Variants in ZZEF1 observed in about 807,000 individuals in gnomAD.
The protein encoded by ZZEF1 is zinc finger ZZ-type and EF-hand domain-containing protein 1.
Under a neutral mutation model 342.8 loss-of-function variants are expected in ZZEF1, and 157 were observed. That is an observed-to-expected ratio of 0.46 (90% CI 0.40 to 0.52). The LOEUF is 0.52. Ranked by LOEUF, ZZEF1 falls within the 20% of genes least tolerant of loss-of-function variation. ZZEF1 has a pLI of 0.00. For synonymous variants in ZZEF1, 1,505 were observed against 1,429.1 expected, an observed-to-expected ratio of 1.05 and a Z score of -1.20; for missense variants, 3,480 against 3,725.6, an observed-to-expected ratio of 0.93 and a Z score of 1.72.
At chr17:4,104,545 A>C (rs1745803901) in intron 8 of ZZEF1, 88 bp downstream of exon 8, 19 of 1,416,620 alleles carry the variant, frequency 1.3e-5, no homozygotes, top group Non-Finnish European at 1.1e-5. Context: ...AAAGATGAGA[A>C]GATACCAGGA....
At chr17:4,141,463 CTT>C (rs544714080) in intron 1 of ZZEF1, among the ~76,000 whole-genome samples, 8 of 152,196 alleles carry the variant, frequency 5.3e-5, no homozygotes, top group African/African-American at 1.9e-4. Context: ...AAATAAGTAC[CTT>C]TTTGGTCATA....
At chr17:4,095,763 A>C (rs776438149) in intron 11 of ZZEF1, 68 bp downstream of exon 11, 1 of 1,508,776 alleles carries the variant, frequency 6.6e-7, no homozygotes, top group African/African-American at 1.4e-5. Flanking sequence ...GCATGAATAC[A>C]TTCTTATTAA....
rs759412803 is a variant in ZZEF1, at chr17:4,067,174, G to A, written c.4144C>T (p.Arg1382Ter). The A allele has an allele frequency of 1.9e-6, 3 of 1,612,298 alleles. No individual in the cohort carries two copies. The highest frequency in any genetic ancestry group is 1.7e-5 in the Admixed American group (1 of 59,700). The change falls in exon 27 of 55, where the codon CGA becomes TGA. Residue 1382 changes from arginine to a stop codon, truncating the protein, a stop_gained. Transcript: ENST00000381638. LOFTEE classifies it high-confidence loss of function. ...AQVYSLADGI[R>*]IWMLEMKQKS... ...AAAGAAAATCTTACCATCCATATTC[G>A]AATCCCATCTGCCAAGGAATAAACC...
intron 39 of ZZEF1, among the ~76,000 whole-genome samples, chr17:4,036,825 T>A (rs905569534): frequency 0.026 from 2,648 of 103,406 alleles, 38 homozygotes; most frequent in African/African-American, 0.12. Flanking sequence ...ACACTCTCTC[T>A]CTCTCTCTCT....
chr17:4,077,804 A>C (rs2057650955), intron 19 of ZZEF1, 79 bp downstream of exon 19: 2 of 1,484,802 alleles, frequency 1.3e-6, no homozygotes, highest in South Asian at 2.4e-5. Flanking sequence ...CACTCATTGC[A>C]TGAGTTACTA....
intron 40 of ZZEF1, chr17:4,033,737 C>T: frequency 4.3e-6 from 2 of 461,762 alleles, no homozygotes; most frequent in South Asian, 5.9e-5. Flanking sequence ...ACCTCAAGGC[C>T]CACACTTACC....
At chr17:4,109,549 G>T in intron 6 of ZZEF1, 104 bp downstream of exon 6, 1 of 1,270,442 alleles carries the variant, frequency 7.9e-7, no homozygotes, top group Non-Finnish European at 1.1e-6. Flanking sequence ...AGCTGACTGA[G>T]CCACAACGAT....
chr17:4,084,142 GATCC>G (rs2057776729), intron 16 of ZZEF1, among the ~76,000 whole-genome samples: 1 of 152,172 alleles, frequency 6.6e-6, no homozygotes. Context: ...TGCTTCTAGT[GATCC>G]ATCAAATACA....
intron 13 of ZZEF1, 68 bp from the exon 14 acceptor site, chr17:4,087,602 C>G (rs2057857251): frequency 7.5e-7 from 1 of 1,326,708 alleles, no homozygotes; most frequent in Non-Finnish European, 1.0e-6. Context: ...TGTAATGCCT[C>G]ATTTACTTCT....
chr17:4,130,136 C>T (rs1388834063), intron 1 of ZZEF1, among the ~76,000 whole-genome samples: 6 of 152,000 alleles, frequency 3.9e-5, no homozygotes, highest in Non-Finnish European at 7.4e-5. Flanking sequence ...TGCACATGTA[C>T]CCCAGAACCT....
At chr17:4,064,175 C>T (rs1294276723) in intron 29 of ZZEF1, among the ~76,000 whole-genome samples, 186 bp downstream of exon 29, 1 of 151,226 alleles carries the variant, frequency 6.6e-6, no homozygotes, top group African/African-American at 2.4e-5. Context: ...ATCACCGTGC[C>T]CACCCAAAAA....
rs185671975 is a variant in ZZEF1, at chr17:4,085,764, A to G, written c.2552T>C (p.Ile851Thr). 1 of 1,614,014 alleles carries G rather than the reference A, an allele frequency of 6.2e-7. No individual in the cohort carries two copies. Among genetic ancestry groups the G allele is most frequent in the Non-Finnish European group, 8.5e-7 (1 of 1,179,996 alleles). Residue 851 changes from isoleucine (I) to threonine (T), a missense_variant, in exon 16 of 55, where the codon ATA becomes ACA. Coordinates refer to ENST00000381638, the MANE Select transcript of ZZEF1 (RefSeq NM_015113.4). Reference sequence around the variant, plus strand: ...GGTATTCCTGACTTCTTGTTTTAGTATCTCCATGGGCACAGAGTCTCCATC... The same window carrying G: ...GGTATTCCTGACTTCTTGTTTTAGTGTCTCCATGGGCACAGAGTCTCCATC... Reference protein sequence around the residue: ...KVDGDSVPMEILKQEVRNTLL... With the variant: ...KVDGDSVPMETLKQEVRNTLL...
intron 6 of ZZEF1, among the ~76,000 whole-genome samples, chr17:4,109,087 C>A (rs2058255351): frequency 6.6e-6 from 1 of 152,120 alleles, no homozygotes; most frequent in African/African-American, 2.4e-5. Context: ...AAGTACTCTA[C>A]ATTTCAAAAG....
chr17:4,078,056 G>A lies in ZZEF1; in HGVS notation c.2830-14C>T, dbSNP rs781447090. 6.2e-7 allele frequency: 1 copy of A among 1,608,102 alleles called. No homozygotes were observed. Among genetic ancestry groups the A allele is most frequent in the South Asian group, 1.1e-5 (1 of 90,866 alleles). ...TAACAGCTCGCACTACAAGGGAGGA[G>A]ACAAACAGAAAGTGTTCGTGACAAG... On this transcript the variant is annotated splice_polypyrimidine_tract_variant and intron_variant, in intron 18 of 54. Transcript: ENST00000381638.
At chr17:4,133,989 G>A (rs1398118512) in intron 1 of ZZEF1, among the ~76,000 whole-genome samples, 1 of 152,118 alleles carries the variant, frequency 6.6e-6, no homozygotes, top group Non-Finnish European at 1.5e-5. Flanking sequence ...ATCGGCATAA[G>A]CCACTGTGCC....
intron 6 of ZZEF1, among the ~76,000 whole-genome samples, chr17:4,106,480 GAAA>G (rs71144161): frequency 6.9e-6 from 1 of 144,310 alleles, no homozygotes; most frequent in Non-Finnish European, 1.5e-5. Flanking sequence ...CAGCAACAGG[GAAA>G]AAAAAAAAAC....
chr17:4,125,348 A>T (rs927459167), intron 1 of ZZEF1, among the ~76,000 whole-genome samples: 3 of 152,176 alleles, frequency 2.0e-5, no homozygotes, highest in Non-Finnish European at 2.9e-5. Flanking sequence ...TCCTCCATGA[A>T]ATAGGAAAAC....
At chr17:4,055,723 C>T (rs1348768920) in intron 33 of ZZEF1, among the ~76,000 whole-genome samples, 1 of 152,220 alleles carries the variant, frequency 6.6e-6, no homozygotes, top group Non-Finnish European at 1.5e-5. Context: ...AGTTCTACGG[C>T]AGGGAGCCAC....
rs760071635 is a variant in ZZEF1, at chr17:4,077,938, C to A, written c.2934G>T (p.Gln978His). 9.9e-6 allele frequency: 16 copies of A among 1,614,068 alleles called. No individual in the cohort carries two copies. The highest frequency in any genetic ancestry group is 3.3e-5 in the Admixed American group (2 of 60,002). ...TGGCTCCAGAGTCCGTGCTCTTCAG[C>A]TGCAGGTAGCACCAGGATAGCAGGC... ...QGSLLSWCYL[Q>H]LKSTDSGAKD... Residue 978 changes from glutamine to histidine, a missense_variant, in exon 19 of 55, where the codon CAG (glutamine) becomes CAT (histidine). Gln to His is a conservative substitution (Grantham distance 24, BLOSUM62 0). Coordinates refer to ENST00000381638, the MANE Select transcript of ZZEF1 (RefSeq NM_015113.4).
Sources: gnomAD v4.1 joint callset for allele counts (sites outside exome capture counted in the v4.1 genomes callset) on GRCh38, gnomAD v4.1.1 for gene constraint, MANE v1.5 for transcripts, NCBI Gene and HGNC (gene_info 2026-07-23, HGNC 2026-07-21) for gene names.